FLNC: variants seen among roughly 807,000 people sequenced by gnomAD.
The protein encoded by FLNC is filamin-C.
A neutral mutation model predicts 254.3 loss-of-function variants in FLNC; 91 were observed. The ratio of observed to expected loss-of-function variants is 0.36; its 90% CI spans 0.30 to 0.43. The LOEUF (loss-of-function observed/expected upper bound fraction) is 0.43. FLNC is among the 20% of genes least tolerant of loss of function. FLNC has a pLI of 1.00. For synonymous variants in FLNC, 1,430 were observed against 1,577.2 expected (o/e 0.91, Z 2.21); for missense variants, 2,853 against 3,802.6 (o/e 0.75, Z 6.57).
Position 128,850,872 on chromosome 7 carries a change from C to T in FLNC, c.5468C>T (p.Thr1823Met), listed in dbSNP as rs140857707. The change falls in exon 33 of 48, where the codon ACG becomes ATG. Residue 1823 changes from threonine (T) to methionine (M), a missense_variant. Thr to Met is a moderately conservative substitution (Grantham distance 81). Transcript: ENST00000325888. ...ACCGACAACAAGGACGGCACCATCA[C>T]GGTGAGGTATGCACCCACTGAGAAA... is the stretch of plus-strand genomic sequence containing the variant. ...NITDNKDGTI[T>M]VRYAPTEKGL... 2.3e-5 allele frequency: 37 copies of T among 1,613,326 alleles called. No individual in the cohort carries two copies. In the East Asian group the frequency reaches 2.5e-4, roughly 11 times the overall value.
intron 37 of FLNC, 29 bp downstream of exon 37, chr7:128,853,060 C>G (rs373937370): frequency 5.0e-6 from 8 of 1,599,834 alleles, no homozygotes; most frequent in Non-Finnish European, 6.8e-6. Context: ...AGCCCCCATT[C>G]CAGCGGGTGC....
Position 128,847,935 on chromosome 7 carries a change from C to T in FLNC, c.4457-10C>T, listed in dbSNP as rs761689847. ...CCGGAGGCTCTGCTGACCCTGTGCC[C>T]CTTGCCCAGGTGTGGCCGAGCCTGT... On this transcript the variant is annotated splice_polypyrimidine_tract_variant and intron_variant, in intron 25 of 47. Coordinates refer to ENST00000325888, the MANE Select transcript of FLNC (RefSeq NM_001458.5). 1.2e-6 allele frequency: 2 copies of T among 1,613,734 alleles called. No individual in the cohort carries two copies. The highest frequency in any genetic ancestry group is 1.1e-5 in the South Asian group (1 of 91,080).
chr7:128,840,024 C>T lies in FLNC; in HGVS notation c.1413C>T (p.Ala471=), dbSNP rs758281857. 1.9e-6 allele frequency: 3 copies of T among 1,613,332 alleles called. No individual in the cohort carries two copies. Among genetic ancestry groups the T allele is most frequent in the Admixed American group, 1.7e-5 (1 of 60,036 alleles). ...ACCTCCTTTCTCTTCCTCCCCTAGC[C>T]TGTAACCCCAACGCCTGCCGCGCCT... is the stretch of plus-strand genomic sequence containing the variant. ...RSPFPVHVSE[A]CNPNACRASG... is the part of the protein sequence containing the mutation. Residue 471 remains alanine (A), a splice_region_variant and synonymous_variant, in exon 9 of 48, where the codon GCC becomes GCT. Transcript: ENST00000325888.
In FLNC at chr7:128,851,365, G is replaced by A; in HGVS notation, c.5668+5G>A. 1.2e-6 allele frequency: 2 copies of A among 1,614,090 alleles called. No homozygotes were observed. The highest frequency in any genetic ancestry group is 1.7e-6 in the Non-Finnish European group (2 of 1,180,042). ...TCACCAAAGATGCTGGAGAAGGTGA[G>A]GGAGCTGCAGGTCGCAGGCTGGGGT... On this transcript the variant is annotated splice_donor_5th_base_variant and intron_variant, in intron 34 of 47. Coordinates refer to ENST00000325888, the MANE Select transcript of FLNC (RefSeq NM_001458.5).
Position 128,843,877 on chromosome 7 carries a change from G to A in FLNC, c.2893G>A (p.Asp965Asn). 1 of 1,614,084 alleles carries A rather than the reference G, an allele frequency of 6.2e-7. No homozygotes were observed. Among genetic ancestry groups the A allele is most frequent in the Middle Eastern group, 1.6e-4 (1 of 6,062 alleles). The change falls in exon 19 of 48, where the codon GAC becomes AAC. Residue 965 changes from aspartate (D) to asparagine (N), a missense_variant. Coordinates refer to ENST00000325888, the MANE Select transcript of FLNC (RefSeq NM_001458.5). ...TGTGGTGAATGTGGCACCCCCGCTG[G>A]ACCTCAGCAAAATCAAAGTTCAGGG... ...PFVVNVAPPL[D>N]LSKIKVQGLN...
At chr7:128,854,367 C>G in intron 40 of FLNC, 46 bp from the exon 41 acceptor site, 1 of 1,599,214 alleles carries the variant, frequency 6.3e-7, no homozygotes, top group Middle Eastern at 1.8e-4. Flanking sequence ...AGGGCCAGGG[C>G]TAGGAGGAAT....
At position 128,858,344 on chromosome 7, in the gene FLNC, A is replaced by G. The variant is rs1489553830; in HGVS notation, c.7999A>G (p.Met2667Val). ...TVDCSKAGTN[M>V]MMVGVHGPKT... ...TCTGCCTCCCTCTCCAGGCACCAACATGATGATGGTGGGCGTGCACGGCCC... is the reference window on the plus strand; with the variant it reads ...TCTGCCTCCCTCTCCAGGCACCAACGTGATGATGGTGGGCGTGCACGGCCC... Residue 2667 changes from methionine (M) to valine (V), a missense_variant, in exon 48 of 48, where the codon ATG (methionine) becomes GTG (valine). Met to Val is a conservative substitution (Grantham distance 21). Transcript: ENST00000325888. The surrounding 1 kb of genome is among the most constrained non-coding windows in gnomAD (Gnocchi z 6.7). The G allele has an allele frequency of 7.8e-6, 12 of 1,543,192 alleles. No individual in the cohort carries two copies. The highest frequency in any genetic ancestry group is 1.1e-5 in the Non-Finnish European group (12 of 1,119,980).
intron 32 of FLNC, 109 bp from the exon 33 acceptor site, chr7:128,850,694 T>C (rs1366466777): frequency 6.6e-7 from 1 of 1,525,678 alleles, no homozygotes; most frequent in Non-Finnish European, 9.0e-7. Flanking sequence ...TGTCTCTTGA[T>C]GCCTGGCTTC....
At chr7:128,853,215 CT>C in intron 37 of FLNC, 184 bp downstream of exon 37, 1 of 725,690 alleles carries the variant, frequency 1.4e-6, no homozygotes, top group Non-Finnish European at 2.4e-6. Flanking sequence ...AGTTCTCTCC[CT>C]TTTAAGAGAA....
In FLNC at chr7:128,854,202, C is replaced by G; in HGVS notation, c.6713C>G (p.Thr2238Ser). Residue 2238 changes from threonine to serine, a missense_variant, in exon 40 of 48, where the codon ACC becomes AGC. Thr to Ser is a moderately conservative substitution (Grantham distance 58). This residue lies in a region of FLNC where 551 missense variants were observed against 835.0 expected (regional missense o/e 0.66). Transcript: ENST00000325888. ...CGCCTGGGATCCTTCGGCAGCATCACCCGGCAGCAGGAGGGTGAGCACCGC... is the reference window on the plus strand; with the variant it reads ...CGCCTGGGATCCTTCGGCAGCATCAGCCGGCAGCAGGAGGGTGAGCACCGC... ...RERLGSFGSI[T>S]RQQEGEASSQ... The G allele has an allele frequency of 6.2e-7, 1 of 1,607,692 alleles. No homozygotes were observed. Among genetic ancestry groups the G allele is most frequent in the Non-Finnish European group, 8.5e-7 (1 of 1,177,550 alleles).
At position 128,842,836 on chromosome 7, in the gene FLNC, G is replaced by C. The variant is rs997539278; in HGVS notation, c.2432G>C (p.Gly811Ala). The change falls in exon 16 of 48, where the codon GGC becomes GCC. Residue 811 changes from glycine (G) to alanine (A), a missense_variant. Transcript: ENST00000325888. The surrounding 1 kb of genome is among the most constrained non-coding windows in gnomAD (Gnocchi z 5.4). ...ATCAAGTGCGCCCCAGGCGTGGTGG[G>C]CCCTGCAGAGGCTGACATTGACTTC... is the stretch of plus-strand genomic sequence containing the variant. ...IGIKCAPGVV[G>A]PAEADIDFDI... The C allele has an allele frequency of 1.2e-6, 2 of 1,613,912 alleles. No individual in the cohort carries two copies. Among genetic ancestry groups the C allele is most frequent in the Non-Finnish European group, 1.7e-6 (2 of 1,180,022 alleles).
At chr7:128,832,538 CT>C (rs1186662978) in intron 1 of FLNC, among the ~76,000 whole-genome samples, 3 of 152,226 alleles carry the variant, frequency 2.0e-5, no homozygotes, top group Non-Finnish European at 4.4e-5. Flanking sequence ...TCTGCGGGGG[CT>C]CTCGGCCCCT....
In FLNC at chr7:128,854,576, G is replaced by A. The variant is rs1480800568; in HGVS notation, c.6891G>A (p.Val2297=). The change falls in exon 41 of 48, where the codon GTG becomes GTA. Residue 2297 remains valine (V), a synonymous_variant. Transcript: ENST00000325888. ...CTGTCAAGTACCGTGGCCAGCACGT[G>A]CCCGGCAGCCCCTTTCAGTTCACTG... ...TVAVKYRGQH[V]PGSPFQFTVG... 6.2e-7 allele frequency: 1 copy of A among 1,609,220 alleles called. No individual in the cohort carries two copies. Among genetic ancestry groups the A allele is most frequent in the African/African-American group, 1.3e-5 (1 of 74,914 alleles).
intron 22 of FLNC, 57 bp from the exon 23 acceptor site, chr7:128,846,244 A>G (rs1562997979): frequency 6.3e-7 from 1 of 1,581,254 alleles, no homozygotes. Flanking sequence ...CCCTCGGGGC[A>G]GGAGGGGTGG....
intron 3 of FLNC, 31 bp downstream of exon 3, chr7:128,837,288 G>C: frequency 1.3e-6 from 2 of 1,579,758 alleles, no homozygotes; most frequent in Non-Finnish European, 1.7e-6. Context: ...GGGGGGAAAG[G>C]GGGCAGGGGC....
chr7:128,833,619 G>GC (rs1055252801), intron 1 of FLNC, among the ~76,000 whole-genome samples: 36 of 84,578 alleles, frequency 4.3e-4, no homozygotes, highest in East Asian at 2.1e-3. Context: ...TATACACACC[G>GC]CCCCCCCCAA....
rs531939349 is a variant in FLNC at position 128,841,073 on chromosome 7, G to A, written c.1814-97G>A. On this transcript the variant is annotated intron_variant, in intron 11 of 47. Transcript: ENST00000325888. This position sits in a 1 kb window ranked among gnomAD's most constrained non-coding sequence, Gnocchi z 4.3. ...CGCATGCTGGGGAGCGCTGGGGTGAGCAGGGAGATAGGACATGAGGGCAGC... is the reference window on the plus strand; with the variant it reads ...CGCATGCTGGGGAGCGCTGGGGTGAACAGGGAGATAGGACATGAGGGCAGC... 6 of 1,573,058 alleles carry A rather than the reference G, an allele frequency of 3.8e-6. No individual in the cohort carries two copies. The African/African-American group carries it at 6.7e-5, about 18-fold the overall frequency.
rs763728562 is a variant in FLNC, at chr7:128,830,958, C to T, written c.321C>T (p.Leu107=). The change falls in exon 1 of 48, where the codon CTC becomes CTT. Residue 107 remains leucine (L), a synonymous_variant. Coordinates refer to ENST00000325888, the MANE Select transcript of FLNC (RefSeq NM_001458.5). ...ACGTGTCCGTGGCCCTCGAGTTCCTCGAGCGCGAGCACATCAAGCTCGTGT... is the reference window on the plus strand; with the variant it reads ...ACGTGTCCGTGGCCCTCGAGTTCCTTGAGCGCGAGCACATCAAGCTCGTGT... ...LENVSVALEF[L]EREHIKLVSI... is the part of the protein sequence containing the mutation. 1 of 1,610,304 alleles carries T rather than the reference C, an allele frequency of 6.2e-7. No homozygotes were observed.
intron 40 of FLNC, 53 bp downstream of exon 40, chr7:128,854,269 C>G (rs1808958263): frequency 4.4e-6 from 7 of 1,603,108 alleles, no homozygotes; most frequent in Non-Finnish European, 6.0e-6. Context: ...TGGGAGGGTG[C>G]TGCGGACCAG....
Sources: gnomAD v4.1 joint callset for allele counts (sites outside exome capture counted in the v4.1 genomes callset) on GRCh38, gnomAD v4.1.1 for gene constraint, gnomAD v4.1.1 regional missense constraint, Gnocchi (gnomAD v3.1) non-coding constraint, MANE v1.5 for transcripts, NCBI Gene and HGNC (gene_info 2026-07-23, HGNC 2026-07-21) for gene names.